The following ZNF407 variants were observed in gnomAD, a reference collection of about 807,000 sequenced individuals.
ZNF407 encodes zinc finger protein 407.
Under a neutral mutation model 131.2 loss-of-function variants are expected in ZNF407, and 17 were observed. That is an observed-to-expected ratio of 0.13 (90% confidence interval 0.09 to 0.19). The LOEUF (loss-of-function observed/expected upper bound fraction) is 0.19. Ranked by LOEUF, ZNF407 falls within the 10% of genes least tolerant of loss-of-function variation. The pLI, the probability that ZNF407 is intolerant of heterozygous loss-of-function variation, is 1.00. For synonymous variants in ZNF407, 1,156 were observed against 1,062.0 expected, an observed-to-expected ratio of 1.09 and a Z score of -1.72; for missense variants, 2,681 against 2,830.6, an observed-to-expected ratio of 0.95 and a Z score of 1.20.
chr18:74,607,270 G>A (rs1982849114), intron 1 of ZNF407, among the ~76,000 whole-genome samples: 2 of 152,100 alleles, frequency 1.3e-5, no homozygotes, highest in Admixed American at 6.6e-5. Flanking sequence ...ACAGGTTCCC[G>A]GGGTGACTTT....
At chr18:74,763,997 G>A (rs1258033269) in intron 3 of ZNF407, among the ~76,000 whole-genome samples, 2 of 151,994 alleles carry the variant, frequency 1.3e-5, no homozygotes, top group African/African-American at 2.4e-5. Context: ...ACAGGCGTGA[G>A]CCACCGCGCC....
chr18:74,922,776 G>T (rs180833143), intron 8 of ZNF407, among the ~76,000 whole-genome samples: 2 of 152,254 alleles, frequency 1.3e-5, no homozygotes, highest in Admixed American at 6.5e-5. Context: ...ATTCCTTATC[G>T]AAGAGTCTAG....
At chr18:74,775,459 T>C (rs1969449076) in intron 3 of ZNF407, among the ~76,000 whole-genome samples, 1 of 152,248 alleles carries the variant, frequency 6.6e-6, no homozygotes, top group Non-Finnish European at 1.5e-5. Context: ...CAAATTCTGA[T>C]GATGTCAACT....
At chr18:74,684,516 G>A (rs538197202) in intron 3 of ZNF407, among the ~76,000 whole-genome samples, 4 of 152,248 alleles carry the variant, frequency 2.6e-5, no homozygotes, top group East Asian at 3.9e-4. Flanking sequence ...ACCGAGTCAC[G>A]TTCAGTTATA....
intron 4 of ZNF407, among the ~76,000 whole-genome samples, chr18:74,841,620 G>A (rs1319882035): frequency 6.6e-6 from 1 of 152,198 alleles, no homozygotes; most frequent in Non-Finnish European, 1.5e-5. Flanking sequence ...GTGAATAAAT[G>A]AATTGAAAGG....
chr18:74,986,507 A>T (rs1349200692), intron 8 of ZNF407, among the ~76,000 whole-genome samples: 6 of 152,308 alleles, frequency 3.9e-5, no homozygotes, highest in African/African-American at 1.4e-4. Context: ...AATTCAAGAA[A>T]GTCTAACCAT....
At chr18:74,835,410 T>C (rs1369566311) in intron 4 of ZNF407, among the ~76,000 whole-genome samples, 2 of 152,170 alleles carry the variant, frequency 1.3e-5, no homozygotes, top group African/African-American at 4.8e-5. Flanking sequence ...TGTGAATTGG[T>C]CCCCGCCTCT....
At chr18:74,812,826 G>A (rs1232528557) in intron 4 of ZNF407, among the ~76,000 whole-genome samples, 1 of 151,912 alleles carries the variant, frequency 6.6e-6, no homozygotes, top group African/African-American at 2.4e-5. Context: ...CTTTGTCTTA[G>A]AATTCAGTAA....
At chr18:74,650,367 A>C (rs1050415824) in intron 3 of ZNF407, among the ~76,000 whole-genome samples, 5 of 152,176 alleles carry the variant, frequency 3.3e-5, no homozygotes, top group Non-Finnish European at 5.9e-5. Flanking sequence ...TAGTCACTTT[A>C]AGGGATGCAA....
intron 4 of ZNF407, among the ~76,000 whole-genome samples, chr18:74,806,493 T>G (rs2628103): frequency 6.6e-6 from 1 of 152,206 alleles, no homozygotes; most frequent in African/African-American, 2.4e-5. Context: ...TCCATGGACA[T>G]AGCTTTTTGA....
intron 4 of ZNF407, among the ~76,000 whole-genome samples, chr18:74,844,234 G>A (rs917544030): frequency 2.6e-5 from 4 of 151,958 alleles, no homozygotes; most frequent in South Asian, 2.2e-4. Context: ...CCCCCATGGC[G>A]TGAGCTTCTC....
chr18:74,665,748 C>T (rs1016850928), intron 3 of ZNF407, among the ~76,000 whole-genome samples: 1 of 152,098 alleles, frequency 6.6e-6, no homozygotes, highest in African/African-American at 2.4e-5. Context: ...AGGAAGTGCG[C>T]CGTTCTACGC....
intron 3 of ZNF407, among the ~76,000 whole-genome samples, chr18:74,744,562 G>C (rs542845749): frequency 3.3e-5 from 5 of 152,028 alleles, no homozygotes; most frequent in Non-Finnish European, 7.4e-5. Flanking sequence ...TTTAGACTTA[G>C]GAGTGATTTT....
At chr18:74,770,090 T>C (rs908990425) in intron 3 of ZNF407, among the ~76,000 whole-genome samples, 3 of 152,126 alleles carry the variant, frequency 2.0e-5, no homozygotes, top group Non-Finnish European at 4.4e-5. Flanking sequence ...GGTAAGTTGG[T>C]TCACATGAAG....
chr18:74,691,290 T>A (rs564494410), intron 3 of ZNF407, among the ~76,000 whole-genome samples: 60 of 151,364 alleles, frequency 4.0e-4, no homozygotes, highest in African/African-American at 1.1e-3. Flanking sequence ...AAAAAAAAAA[T>A]AATAATAAAT....
chr18:74,812,059 A>G (rs1970205280), intron 4 of ZNF407, among the ~76,000 whole-genome samples: 1 of 152,148 alleles, frequency 6.6e-6, no homozygotes, highest in Non-Finnish European at 1.5e-5. Flanking sequence ...AATTTCATTG[A>G]ACTTAATCTT....
intron 4 of ZNF407, among the ~76,000 whole-genome samples, chr18:74,834,432 G>A (rs1445788637): frequency 2.0e-5 from 3 of 152,168 alleles, no homozygotes; most frequent in Non-Finnish European, 2.9e-5. Context: ...CTTAGAACCT[G>A]GTGGGACAAT....
intron 7 of ZNF407, among the ~76,000 whole-genome samples, chr18:74,909,078 A>G (rs1412439521): frequency 6.6e-6 from 1 of 150,980 alleles, no homozygotes; most frequent in Non-Finnish European, 1.5e-5. Flanking sequence ...GTATAGAGTA[A>G]TTCTTTTTGT....
At chr18:74,904,823 G>A (rs1218650919) in intron 7 of ZNF407, among the ~76,000 whole-genome samples, 1 of 152,164 alleles carries the variant, frequency 6.6e-6, no homozygotes, top group African/African-American at 2.4e-5. Flanking sequence ...AATCTCATAT[G>A]ATAAATATAT....
Sources: allele counts gnomAD v4.1 joint callset (sites outside exome capture counted in the v4.1 genomes callset), GRCh38; gene constraint gnomAD v4.1.1; transcripts MANE v1.5; gene names NCBI Gene and HGNC (gene_info 2026-07-23, HGNC 2026-07-21).